Variants in TMEM117 observed in about 807,000 individuals in gnomAD.
TMEM117 encodes transmembrane protein 117.
TMEM117 carries 27 observed loss-of-function variants against 52.4 expected under a neutral mutation model. The ratio of observed to expected loss-of-function variants is 0.51; its 90% CI spans 0.38 to 0.71. The LOEUF is 0.71. Ranked by LOEUF, TMEM117 falls within the 30% of genes least tolerant of loss-of-function variation. The pLI is 0.00. For synonymous variants in TMEM117, 215 were observed against 206.3 expected (o/e 1.04, Z -0.36); for missense variants, 556 against 630.5 (o/e 0.88, Z 1.26).
At chr12:44,086,896 T>G (rs1292159336) in intron 3 of TMEM117, among the ~76,000 whole-genome samples, 2 of 150,092 alleles carry the variant, frequency 1.3e-5, no homozygotes, top group Admixed American at 1.3e-4. Context: ...GTCATTTTAA[T>G]TAAATTCATT....
At chr12:43,799,393 C>T in the TMEM117 span, 5 of 1,588,326 alleles carry the variant, frequency 3.1e-6, no homozygotes, top group East Asian at 2.2e-5. Flanking sequence ...GTAGTTGTAA[C>T]TTACCTCATT....
chr12:44,234,237 A>G (rs538547195), intron 5 of TMEM117, among the ~76,000 whole-genome samples: 14 of 151,620 alleles, frequency 9.2e-5, no homozygotes, highest in East Asian at 5.8e-4. Context: ...AGCTTTTTCT[A>G]TGAGAAATTT....
chr12:44,185,876 ACAC>A (rs1949270820), intron 4 of TMEM117, among the ~76,000 whole-genome samples: 1 of 105,916 alleles, frequency 9.4e-6, no homozygotes, highest in East Asian at 2.3e-4. Context: ...ACATACACAC[ACAC>A]ACACACACAC....
intron 4 of TMEM117, among the ~76,000 whole-genome samples, chr12:44,178,465 C>A (rs950091961): frequency 1.3e-5 from 2 of 152,162 alleles, no homozygotes; most frequent in Non-Finnish European, 2.9e-5. Context: ...CTCCCTGTCA[C>A]CTGCAGGTTT....
intron 5 of TMEM117, among the ~76,000 whole-genome samples, chr12:44,296,816 C>T (rs1204389288): frequency 6.6e-6 from 1 of 152,208 alleles, no homozygotes; most frequent in Non-Finnish European, 1.5e-5. Flanking sequence ...TGCATGTGGG[C>T]ATGACTCCTC....
At chr12:44,125,940 C>G (rs1163624199) in intron 3 of TMEM117, among the ~76,000 whole-genome samples, 2 of 152,116 alleles carry the variant, frequency 1.3e-5, no homozygotes, top group Non-Finnish European at 1.5e-5. Context: ...CTTCAAAGAA[C>G]TTCTTGATTT....
intron 2 of TMEM117, among the ~76,000 whole-genome samples, chr12:43,919,131 T>C (rs1340997889): frequency 6.6e-6 from 1 of 152,140 alleles, no homozygotes; most frequent in Non-Finnish European, 1.5e-5. Context: ...AAAAATTTTA[T>C]TTTATTATGG....
At chr12:44,055,808 C>CT (rs1565809875) in intron 3 of TMEM117, among the ~76,000 whole-genome samples, 1 of 152,048 alleles carries the variant, frequency 6.6e-6, no homozygotes, top group African/African-American at 2.4e-5. Context: ...CTTGCACCTA[C>CT]TTTTTTAACT....
intron 3 of TMEM117, among the ~76,000 whole-genome samples, chr12:44,039,357 CTATATATTATTGTATCTATAGTATTCT>C (rs1408023515): frequency 6.7e-6 from 1 of 149,930 alleles, no homozygotes; most frequent in Non-Finnish European, 1.5e-5. Flanking sequence ...TAAATTAATA[CTATATATTATTGTATCTATAGTATTCT>C]TATATATTAT....
chr12:43,852,406 G>A (rs1943325943), intron 2 of TMEM117, among the ~76,000 whole-genome samples: 1 of 149,108 alleles, frequency 6.7e-6, no homozygotes, highest in Non-Finnish European at 1.5e-5. Context: ...ACTCCAACCT[G>A]GGCGACAGTG....
At position 44,118,747 on chromosome 12, in the gene TMEM117, C is replaced by A. The variant is rs561048226; in HGVS notation, c.411-24778C>A. Among the ~76,000 whole-genome samples the A allele has an allele frequency of 1.4e-4, 19 of 136,272 alleles. No individual in the cohort carries two copies. In the South Asian group the frequency reaches 4.0e-3, roughly 29 times the overall value. The allele number at this position is 136,272 out of a possible 152,430, so 89.4% of individuals were successfully genotyped here. On this transcript the variant is annotated intron_variant, in intron 3 of 7. Transcript: ENST00000266534. Reference sequence around the variant, plus strand: ...CATTGCAATTTTTCTTTAGCCTCTACTTTTCAGGCAGGGTATTTTTTCACT... The same window carrying A: ...CATTGCAATTTTTCTTTAGCCTCTAATTTTCAGGCAGGGTATTTTTTCACT...
At chr12:44,306,844 A>G (rs1368560264) in intron 6 of TMEM117, among the ~76,000 whole-genome samples, 1 of 152,250 alleles carries the variant, frequency 6.6e-6, no homozygotes, top group Non-Finnish European at 1.5e-5. Context: ...ATGATCTTAC[A>G]GTAATTAACT....
At chr12:43,978,739 T>C (rs964009160) in intron 3 of TMEM117, among the ~76,000 whole-genome samples, 5 of 152,170 alleles carry the variant, frequency 3.3e-5, no homozygotes, top group South Asian at 2.1e-4. Flanking sequence ...GTAATTCTTA[T>C]GACATCAGGG....
At chr12:44,137,555 G>T (rs1396776295) in intron 3 of TMEM117, among the ~76,000 whole-genome samples, 1 of 152,020 alleles carries the variant, frequency 6.6e-6, no homozygotes, top group Non-Finnish European at 1.5e-5. Flanking sequence ...CCTGATACTG[G>T]GAAGAAACAG....
intron 4 of TMEM117, among the ~76,000 whole-genome samples, chr12:44,194,037 T>C (rs1331182132): frequency 2.0e-5 from 3 of 152,050 alleles, no homozygotes; most frequent in Non-Finnish European, 4.4e-5. Context: ...TAAAGTAATA[T>C]ATGCAAATAA....
chr12:44,329,143 A>G (rs115771595), intron 6 of TMEM117, among the ~76,000 whole-genome samples: 2 of 152,202 alleles, frequency 1.3e-5, no homozygotes, highest in East Asian at 1.9e-4. Context: ...CTACAGCTCT[A>G]TAACAGTGGC....
At chr12:44,071,958 T>C (rs1163576753) in intron 3 of TMEM117, among the ~76,000 whole-genome samples, 1 of 152,186 alleles carries the variant, frequency 6.6e-6, no homozygotes, top group African/African-American at 2.4e-5. Flanking sequence ...GCTTCTTTGA[T>C]GTAGATTTTC....
intron 5 of TMEM117, among the ~76,000 whole-genome samples, chr12:44,260,655 C>T (rs1471423042): frequency 3.3e-5 from 5 of 152,058 alleles, no homozygotes; most frequent in Non-Finnish European, 7.4e-5. Context: ...TCATTTGCCC[C>T]AGCATGTACT....
intron 6 of TMEM117, among the ~76,000 whole-genome samples, chr12:44,313,989 C>T (rs916856685): frequency 3.9e-5 from 6 of 152,096 alleles, no homozygotes; most frequent in African/African-American, 1.4e-4. Flanking sequence ...TTTATCTGGT[C>T]TAGGAGCCTT....
Sources: allele counts gnomAD v4.1 joint callset (sites outside exome capture counted in the v4.1 genomes callset), GRCh38; gene constraint gnomAD v4.1.1; transcripts MANE v1.5; gene names NCBI Gene and HGNC (gene_info 2026-07-23, HGNC 2026-07-21).